The following EFNA5 variants were observed in gnomAD, a reference collection of about 807,000 sequenced individuals.
The protein encoded by EFNA5 is ephrin A5.
A neutral mutation model predicts 22.9 loss-of-function variants in EFNA5; 5 were observed. The ratio of observed to expected loss-of-function variants is 0.22; its 90% CI spans 0.11 to 0.46. EFNA5 has a LOEUF of 0.46. Ranked by LOEUF, EFNA5 falls within the 20% of genes least tolerant of loss-of-function variation. The pLI is 0.99. For missense variants in EFNA5, 237 were observed against 293.3 expected (o/e 0.81, Z 1.40); for synonymous variants, 113 against 112.2 (o/e 1.01, Z -0.04).
chr5:107,593,173 A>G (rs1365165289), intron 1 of EFNA5, among the ~76,000 whole-genome samples: 3 of 152,156 alleles, frequency 2.0e-5, no homozygotes, highest in African/African-American at 7.2e-5. Flanking sequence ...TGAGCCCATG[A>G]CTGGAAGAAG....
intron 1 of EFNA5, among the ~76,000 whole-genome samples, chr5:107,640,489 C>T (rs1173078598): frequency 6.6e-6 from 1 of 152,096 alleles, no homozygotes; most frequent in African/African-American, 2.4e-5. Context: ...ATTATAAAAC[C>T]AATGTGATTT....
At chr5:107,426,992 T>G (rs963092424) in intron 2 of EFNA5, 1 of 524,012 alleles carries the variant, frequency 1.9e-6, no homozygotes, top group Non-Finnish European at 3.4e-6. Flanking sequence ...AGTGGTTCAG[T>G]GAACAGGCTG....
intron 1 of EFNA5, among the ~76,000 whole-genome samples, chr5:107,481,849 C>CAAAAAA: frequency 8.3e-6 from 1 of 119,862 alleles, no homozygotes; most frequent in South Asian, 2.7e-4. Context: ...GACTCCATCT[C>CAAAAAA]AAAAAAAAAA....
intron 1 of EFNA5, among the ~76,000 whole-genome samples, chr5:107,504,076 T>C (rs1387815516): frequency 6.6e-6 from 1 of 152,186 alleles, no homozygotes; most frequent in Non-Finnish European, 1.5e-5. Flanking sequence ...ATATAAGAAG[T>C]ATCTGAAGTA....
At chr5:107,510,367 T>G (rs779158921) in intron 1 of EFNA5, among the ~76,000 whole-genome samples, 1 of 152,152 alleles carries the variant, frequency 6.6e-6, no homozygotes, top group African/African-American at 2.4e-5. Flanking sequence ...TCATAAATAA[T>G]CCACTCTCTG....
At chr5:107,448,183 G>C (rs780019011) in intron 1 of EFNA5, among the ~76,000 whole-genome samples, 6 of 152,214 alleles carry the variant, frequency 3.9e-5, no homozygotes, top group Non-Finnish European at 8.8e-5. Flanking sequence ...GGAGAAGACA[G>C]ACTGGATGGA....
intron 1 of EFNA5, among the ~76,000 whole-genome samples, chr5:107,458,568 A>T (rs1749753226): frequency 6.6e-6 from 1 of 152,042 alleles, no homozygotes; most frequent in Admixed American, 6.6e-5. Context: ...GGAGTGCTAA[A>T]GCCTTTTTGG....
At chr5:107,482,814 GTC>G (rs200778465) in intron 1 of EFNA5, among the ~76,000 whole-genome samples, 22 of 73,258 alleles carry the variant, frequency 3.0e-4, no homozygotes, top group Admixed American at 1.9e-3. Context: ...CTCTCTCTCT[GTC>G]TCTCTCTCTG....
intron 1 of EFNA5, among the ~76,000 whole-genome samples, chr5:107,611,522 G>A (rs1044730169): frequency 4.6e-5 from 7 of 152,130 alleles, no homozygotes; most frequent in Admixed American, 1.3e-4. Context: ...CTTCAAGTCC[G>A]GTATGTAAAT....
intron 1 of EFNA5, among the ~76,000 whole-genome samples, chr5:107,449,124 T>C (rs1255983610): frequency 1.3e-5 from 2 of 152,092 alleles, no homozygotes; most frequent in Non-Finnish European, 2.9e-5. Context: ...CAGAAAATAG[T>C]CACCACATAT....
intron 1 of EFNA5, among the ~76,000 whole-genome samples, chr5:107,499,600 T>C (rs1029974565): frequency 6.6e-6 from 1 of 152,246 alleles, no homozygotes; most frequent in Non-Finnish European, 1.5e-5. Flanking sequence ...TTAGCAGTGA[T>C]GCCCACAGAT....
At chr5:107,482,569 G>C (rs1746298339) in intron 1 of EFNA5, among the ~76,000 whole-genome samples, 1 of 152,100 alleles carries the variant, frequency 6.6e-6, no homozygotes, top group African/African-American at 2.4e-5. Flanking sequence ...ATTGGACCTA[G>C]CTGCACTGGG....
At chr5:107,604,473 A>T (rs999013525) in intron 1 of EFNA5, among the ~76,000 whole-genome samples, 1 of 152,192 alleles carries the variant, frequency 6.6e-6, no homozygotes, top group African/African-American at 2.4e-5. Context: ...GAGAAACAGA[A>T]CACTAGTCTC....
At chr5:107,523,887 T>C (rs113204509) in intron 1 of EFNA5, among the ~76,000 whole-genome samples, 21 of 152,358 alleles carry the variant, frequency 1.4e-4, no homozygotes, top group African/African-American at 5.0e-4. Context: ...ATAGGAGATA[T>C]AGCTCCCTTC....
intron 1 of EFNA5, among the ~76,000 whole-genome samples, chr5:107,550,829 G>A (rs1046827731): frequency 1.3e-5 from 2 of 152,074 alleles, no homozygotes; most frequent in African/African-American, 2.4e-5. Flanking sequence ...TGGTATTCTA[G>A]GTAGACTACA....
intron 2 of EFNA5, among the ~76,000 whole-genome samples, chr5:107,422,648 G>C (rs537027647): frequency 2.6e-5 from 4 of 152,368 alleles, no homozygotes; most frequent in African/African-American, 9.6e-5. Flanking sequence ...TGAGTAGCCA[G>C]AATCAGGCAG....
At chr5:107,525,367 CAT>C (rs1238661824) in intron 1 of EFNA5, among the ~76,000 whole-genome samples, 1 of 151,972 alleles carries the variant, frequency 6.6e-6, no homozygotes, top group African/African-American at 2.4e-5. Context: ...TTCCCTAATT[CAT>C]ATGTTAATGT....
intron 1 of EFNA5, 45 bp from the exon 2 acceptor site, chr5:107,427,554 G>T (rs780705232): frequency 6.6e-7 from 1 of 1,518,504 alleles, no homozygotes; most frequent in East Asian, 2.3e-5. Flanking sequence ...TAGAGAAAGG[G>T]CTTTCTGCTT....
At chr5:107,484,758 G>A (rs1746547545) in intron 1 of EFNA5, among the ~76,000 whole-genome samples, 1 of 152,006 alleles carries the variant, frequency 6.6e-6, no homozygotes, top group African/African-American at 2.4e-5. Context: ...GTAGAGCACA[G>A]GGAAGATGAG....
Sources: gnomAD v4.1 joint callset for allele counts (sites outside exome capture counted in the v4.1 genomes callset) on GRCh38, gnomAD v4.1.1 for gene constraint, MANE v1.5 for transcripts, NCBI Gene and HGNC (gene_info 2026-07-23, HGNC 2026-07-21) for gene names.